The following TATDN2 variants were observed in gnomAD, a reference collection of about 807,000 sequenced individuals.
TATDN2 encodes 3'-5' RNA nuclease TATDN2.
TATDN2 carries 44 observed loss-of-function variants against 60.3 expected under a neutral mutation model. The observed-to-expected ratio is 0.73, with a 90% CI of 0.57 to 0.94. The LOEUF (loss-of-function observed/expected upper bound fraction) is 0.94. Among genes scored for constraint, TATDN2 ranks in the 40% least tolerant of loss-of-function variants. The probability of loss-of-function intolerance (pLI) is 0.00; values close to 1 mark genes in which losing one functional copy is unlikely to be tolerated. For missense variants in TATDN2, 997 were observed against 948.0 expected, an observed-to-expected ratio of 1.05 and a Z score of -0.68; for synonymous variants, 399 against 355.8, an observed-to-expected ratio of 1.12 and a Z score of -1.37.
At chr3:10,272,129 G>C (rs1698575730) in intron 4 of TATDN2, among the ~76,000 whole-genome samples, 1 of 151,636 alleles carries the variant, frequency 6.6e-6, no homozygotes, top group African/African-American at 2.4e-5. Flanking sequence ...TTTTTTCAGA[G>C]ATAAGGTCTT....
chr3:10,257,643 T>A (rs1240065971), intron 2 of TATDN2, among the ~76,000 whole-genome samples: 2 of 141,506 alleles, frequency 1.4e-5, no homozygotes, highest in Non-Finnish European at 3.1e-5. Context: ...ACCCGTAACC[T>A]CCTTTAACAA....
intron 2 of TATDN2, among the ~76,000 whole-genome samples, chr3:10,258,550 A>G (rs1698349894): frequency 6.6e-6 from 1 of 151,240 alleles, no homozygotes. Flanking sequence ...GCCTCACTGC[A>G]ACCTCTGCCT....
intron 5 of TATDN2, among the ~76,000 whole-genome samples, chr3:10,277,804 G>C (rs1202623905): frequency 6.6e-6 from 1 of 152,118 alleles, no homozygotes; most frequent in African/African-American, 2.4e-5. Context: ...TTACAGATTG[G>C]TAACTATATA....
chr3:10,250,250 T>C (rs1183219645), intron 2 of TATDN2, among the ~76,000 whole-genome samples: 1 of 135,008 alleles, frequency 7.4e-6, no homozygotes, highest in African/African-American at 3.2e-5. Flanking sequence ...CATAAGTACT[T>C]TGAGCAGACC....
chr3:10,277,355 A>G (rs1698654095), intron 5 of TATDN2, among the ~76,000 whole-genome samples: 1 of 152,166 alleles, frequency 6.6e-6, no homozygotes, highest in South Asian at 2.1e-4. Context: ...AGGTGCTGCC[A>G]GGAGACAGGT....
rs1576020274 is a variant in TATDN2 at position 10,279,660 on chromosome 3, T to G, written c.*478T>G. 1 of 152,158 alleles carries G rather than the reference T, an allele frequency of 6.6e-6. No homozygotes were observed. Among genetic ancestry groups the G allele is most frequent in the African/African-American group, 2.4e-5 (1 of 41,406 alleles). 9.4% of individuals were successfully genotyped at this position (152,158 alleles called of 1,614,324 possible). On this transcript the variant is annotated 3_prime_UTR_variant, in exon 8 of 8. Coordinates refer to ENST00000448281, the MANE Select transcript of TATDN2 (RefSeq NM_014760.4). ...GGGAAACTTTTTGGGGGAAATTAAC[T>G]GGACACCTATCTCGGAGGTTTATTT...
chr3:10,275,270 C>T (rs1363300160), intron 4 of TATDN2, among the ~76,000 whole-genome samples: 1 of 152,102 alleles, frequency 6.6e-6, no homozygotes, highest in African/African-American at 2.4e-5. Flanking sequence ...TGAGCCACCA[C>T]GCCTGGTGAA....
At chr3:10,275,595 A>T (rs1203365562) in intron 4 of TATDN2, among the ~76,000 whole-genome samples, 1 of 152,078 alleles carries the variant, frequency 6.6e-6, no homozygotes, top group African/African-American at 2.4e-5. Flanking sequence ...CAAATACAGA[A>T]ATTAGCCAGG....
chr3:10,271,589 C>T (rs1698564825), intron 4 of TATDN2, among the ~76,000 whole-genome samples: 1 of 152,172 alleles, frequency 6.6e-6, no homozygotes, highest in Non-Finnish European at 1.5e-5. Context: ...CAGGCATGAG[C>T]CACTGCGCCT....
intron 4 of TATDN2, among the ~76,000 whole-genome samples, chr3:10,271,797 A>ACCTCCG (rs143132221): frequency 9.2e-4 from 137 of 148,936 alleles, no homozygotes; most frequent in South Asian, 5.3e-3. Flanking sequence ...TGCGGCCTCC[A>ACCTCCG]CCTCCGCCTC....
At chr3:10,249,646 A>G (rs997206928) in intron 2 of TATDN2, 32 bp downstream of exon 2, 2 of 1,497,196 alleles carry the variant, frequency 1.3e-6, no homozygotes, top group South Asian at 1.4e-5. Flanking sequence ...CAATCGGTGA[A>G]GCCCCTTCCA....
chr3:10,281,188 C>T lies in TATDN2; in HGVS notation c.*2006C>T, dbSNP rs11554649. ...TTTTCCCCTCTTTGGCCATCTTTTT[C>T]TGAAAATAAAGTGATGGATCCTCTA... On this transcript the variant is annotated 3_prime_UTR_variant, in exon 8 of 8. Coordinates refer to ENST00000448281, the MANE Select transcript of TATDN2 (RefSeq NM_014760.4). 6.6e-6 allele frequency: 1 copy of T among 152,246 alleles called. No homozygotes were observed. Among genetic ancestry groups the T allele is most frequent in the South Asian group, 2.1e-4 (1 of 4,828 alleles). The allele number at this position is 152,246 out of a possible 1,614,324, so 9.4% of individuals were successfully genotyped here.
chr3:10,273,021 C>T (rs1698589049), intron 4 of TATDN2, among the ~76,000 whole-genome samples: 1 of 152,008 alleles, frequency 6.6e-6, no homozygotes, highest in South Asian at 2.1e-4. Flanking sequence ...CAGAGTGAGA[C>T]CCTGTCTCAA....
chr3:10,269,990 C>G, intron 3 of TATDN2, 141 bp from the exon 4 acceptor site: 1 of 1,065,624 alleles, frequency 9.4e-7, no homozygotes, highest in Non-Finnish European at 1.3e-6. Context: ...AACCAGGTGA[C>G]AGGGTGAGCT....
intron 2 of TATDN2, among the ~76,000 whole-genome samples, chr3:10,257,170 T>A (rs1168020275): frequency 2.0e-5 from 3 of 150,978 alleles, no homozygotes; most frequent in African/African-American, 7.3e-5. Context: ...TAATCCCAGC[T>A]ACTTGGGAGG....
In TATDN2 at chr3:10,260,475, C is replaced by T. The variant is rs148251801; in HGVS notation, c.753C>T (p.Asp251=). 179 of 1,613,986 alleles carry T rather than the reference C, an allele frequency of 1.1e-4. No homozygotes were observed. The East Asian group carries it at 1.4e-3, about 13-fold the overall frequency. ...TCACTGCTGCTCAGAAGGAGAAAGA[C>T]GCAACCCCAGAGGTCAGCATGGAGG... is the stretch of plus-strand genomic sequence containing the variant. The part of the protein sequence containing the change: ...VTVTAAQKEK[D]ATPEVSMEED... Residue 251 remains aspartate, a synonymous_variant, in exon 3 of 8, where the codon GAC becomes GAT. Coordinates refer to ENST00000448281, the MANE Select transcript of TATDN2 (RefSeq NM_014760.4).
intron 3 of TATDN2, among the ~76,000 whole-genome samples, chr3:10,262,665 A>G (rs1188129551): frequency 6.7e-6 from 1 of 149,804 alleles, no homozygotes; most frequent in Non-Finnish European, 1.5e-5. Flanking sequence ...CCTCCCGAGT[A>G]GCTGGGATTA....
chr3:10,250,294 C>T (rs544348687), intron 2 of TATDN2, among the ~76,000 whole-genome samples: 6 of 151,344 alleles, frequency 4.0e-5, no homozygotes, highest in Non-Finnish European at 7.4e-5. Context: ...ACATTTCGCT[C>T]ATCTACTCAA....
chr3:10,252,322 G>T (rs751755455), intron 2 of TATDN2, among the ~76,000 whole-genome samples: 1 of 151,922 alleles, frequency 6.6e-6, no homozygotes, highest in Non-Finnish European at 1.5e-5. Context: ...AGCAATTAGA[G>T]AATTTATACA....
Sources: allele counts gnomAD v4.1 joint callset (sites outside exome capture counted in the v4.1 genomes callset), GRCh38; gene constraint gnomAD v4.1.1; transcripts MANE v1.5; gene names NCBI Gene and HGNC (gene_info 2026-07-23, HGNC 2026-07-21).